Variants in KDM1B observed in about 807,000 individuals in gnomAD.
KDM1B encodes the protein lysine-specific histone demethylase 2.
Under a neutral mutation model 107.4 loss-of-function variants are expected in KDM1B, and 63 were observed. The ratio of observed to expected loss-of-function variants is 0.59; its 90% confidence interval spans 0.48 to 0.72. The LOEUF is 0.72. Among genes scored for constraint, KDM1B ranks in the 30% least tolerant of loss-of-function variants. The probability of loss-of-function intolerance (pLI) is 0.00; values close to 1 mark genes in which losing one functional copy is unlikely to be tolerated. For missense variants in KDM1B, 749 were observed against 1,020.8 expected (o/e 0.73, Z 3.63); for synonymous variants, 363 against 363.9 (o/e 1.00, Z 0.03).
chr6:18,202,554 T>G (rs6938294), intron 14 of KDM1B, among the ~76,000 whole-genome samples: 1 of 152,128 alleles, frequency 6.6e-6, no homozygotes, highest in Non-Finnish European at 1.5e-5. Flanking sequence ...TAAATTGATA[T>G]TTATTTGGCC....
chr6:18,174,115 G>C (rs1353273772), intron 7 of KDM1B, among the ~76,000 whole-genome samples: 1 of 152,106 alleles, frequency 6.6e-6, no homozygotes. Flanking sequence ...AAAATCAATT[G>C]GCCGTATGTG....
rs758108269 is a variant in KDM1B at position 18,212,418 on chromosome 6, T to C, written c.1867-70T>C. The C allele has an allele frequency of 7.2e-5, 66 of 912,646 alleles. No homozygotes were observed. The highest frequency in any genetic ancestry group is 1.1e-4 in the Non-Finnish European group (61 of 541,500). 56.5% of individuals were successfully genotyped at this position (912,646 alleles called of 1,614,324 possible). On this transcript the variant is annotated intron_variant, in intron 17 of 21. Transcript: ENST00000650836. This position sits in a 1 kb window ranked among gnomAD's most constrained non-coding sequence, Gnocchi z 5.2. The stretch of plus-strand genomic sequence containing the variant: ...TTGCCAGTATAACAGCATGGGTTGT[T>C]GATACCAGTGTAGTGGTAGTGTGAG...
intron 6 of KDM1B, among the ~76,000 whole-genome samples, chr6:18,170,856 C>G (rs1278879899): frequency 6.7e-6 from 1 of 150,344 alleles, no homozygotes; most frequent in Non-Finnish European, 1.5e-5. Flanking sequence ...AGTCTTGCTC[C>G]GTTGCCCAGG....
Position 18,215,024 on chromosome 6 carries a change from G to A in KDM1B, c.2127G>A (p.Leu709=). 1 of 1,614,054 alleles carries A rather than the reference G, an allele frequency of 6.2e-7. No individual in the cohort carries two copies. The change falls in exon 20 of 22, where the codon CTG becomes CTA. Residue 709 remains leucine, a synonymous_variant. Transcript: ENST00000650836. ...GTCTCCAGAAGAAGCACAGCGTGCT[G>A]ATGTCTGTGATTGCCGGGGAGGCTG... ...DMDPQKKHSV[L]MSVIAGEAVA...
rs931158107 is a variant in KDM1B, at chr6:18,222,696, C to T, written c.*704C>T. ...AGGTATTGTATCATTGAGAATGCAG[C>T]ACAGATAGTGTGGGCTTCACACTAT... On this transcript the variant is annotated 3_prime_UTR_variant, in exon 22 of 22. Coordinates refer to ENST00000650836, the MANE Select transcript of KDM1B (RefSeq NM_001364614.2). The T allele has an allele frequency of 1.9e-5, 3 of 154,854 alleles. No individual in the cohort carries two copies. The highest frequency in any genetic ancestry group is 7.2e-5 in the African/African-American group (3 of 41,430). 9.6% of individuals were successfully genotyped at this position (154,854 alleles called of 1,614,324 possible).
intron 7 of KDM1B, among the ~76,000 whole-genome samples, chr6:18,181,462 T>C (rs912289124): frequency 2.4e-4 from 36 of 152,122 alleles, no homozygotes; most frequent in Non-Finnish European, 4.4e-4. Context: ...TAAGAAAATA[T>C]GAGAATAAGA....
intron 2 of KDM1B, among the ~76,000 whole-genome samples, chr6:18,156,544 T>C (rs1342556029): frequency 2.0e-5 from 3 of 151,916 alleles, no homozygotes; most frequent in African/African-American, 7.3e-5. Context: ...CATGAGAAAA[T>C]TACCATCAAT....
Position 18,212,405 on chromosome 6 carries a change from C to A in KDM1B, c.1867-83C>A. ...GCAGCCCTTGTTCTTGCCAGTATAA[C>A]AGCATGGGTTGTTGATACCAGTGTA... On this transcript the variant is annotated intron_variant, in intron 17 of 21. Transcript: ENST00000650836. This position sits in a 1 kb window ranked among gnomAD's most constrained non-coding sequence, Gnocchi z 5.2. The A allele has an allele frequency of 1.2e-6, 1 of 858,968 alleles. No individual in the cohort carries two copies. Among genetic ancestry groups the A allele is most frequent in the Non-Finnish European group, 2.0e-6 (1 of 495,592 alleles). 53.2% of individuals were successfully genotyped at this position (858,968 alleles called of 1,614,324 possible).
intron 6 of KDM1B, among the ~76,000 whole-genome samples, chr6:18,168,831 T>A (rs1241178099): frequency 1.3e-5 from 2 of 152,204 alleles, no homozygotes; most frequent in East Asian, 1.9e-4. Flanking sequence ...CATTTGTATA[T>A]CTTTGGAGAA....
At chr6:18,188,067 G>A in intron 9 of KDM1B, 65 bp downstream of exon 9, 1 of 1,393,186 alleles carries the variant, frequency 7.2e-7, no homozygotes, top group Non-Finnish European at 9.9e-7. Context: ...GAACGTGTGA[G>A]TGAGCAAAAC....
In KDM1B at chr6:18,197,232, A is replaced by G. The variant is rs777251737; in HGVS notation, c.1145A>G (p.Asn382Ser). The change falls in exon 11 of 22, where the codon AAT becomes AGT. Residue 382 changes from asparagine to serine, a missense_variant and splice_region_variant. By Grantham distance (46) the Asn-to-Ser change is conservative. Coordinates refer to ENST00000650836, the MANE Select transcript of KDM1B (RefSeq NM_001364614.2). This position sits in a 1 kb window ranked among gnomAD's most constrained non-coding sequence, Gnocchi z 4.5. ...TATCTTCTCCCTAAGGACTACCACA[A>G]TGTAGGTGATTATAGCTTTAGCGAT... The part of the protein sequence containing the change: ...DQYLLPKDYH[N>S]KSVIIIGAGP... The G allele has an allele frequency of 9.3e-6, 15 of 1,612,242 alleles. No individual in the cohort carries two copies. Among genetic ancestry groups the G allele is most frequent in the South Asian group, 5.5e-5 (5 of 90,978 alleles).
intron 17 of KDM1B, among the ~76,000 whole-genome samples, chr6:18,208,811 A>AGT (rs529452767): frequency 7.6e-6 from 1 of 131,188 alleles, no homozygotes; most frequent in African/African-American, 2.8e-5. Flanking sequence ...CGCCTGGCTA[A>AGT]TTTTTTTTTT....
At chr6:18,163,317 C>T (rs1785090951) in intron 5 of KDM1B, among the ~76,000 whole-genome samples, 1 of 152,152 alleles carries the variant, frequency 6.6e-6, no homozygotes, top group South Asian at 2.1e-4. Context: ...GCCTTGGCCT[C>T]CCAAAGTGCT....
Position 18,197,366 on chromosome 6 carries a change from GT to G in KDM1B, c.1146+136del. ...CAGAAGCAAGGCTTTCGCAGAATGT[GT>G]TTCTCCTGAAAGGAGAATATCAAGC... On this transcript the variant is annotated intron_variant, in intron 11 of 21. Coordinates refer to ENST00000650836, the MANE Select transcript of KDM1B (RefSeq NM_001364614.2). The surrounding 1 kb of genome is among the most constrained non-coding windows in gnomAD (Gnocchi z 4.5). The G allele has an allele frequency of 1.1e-6, 1 of 924,524 alleles. No individual in the cohort carries two copies. The highest frequency in any genetic ancestry group is 1.6e-6 in the Non-Finnish European group (1 of 622,740). The allele number at this position is 924,524 out of a possible 1,614,324, so 57.3% of individuals were successfully genotyped here.
rs374599699 is a variant in KDM1B, at chr6:18,194,819, A to G, written c.970-2238A>G. Among the ~76,000 whole-genome samples, 319 of 152,194 alleles carry G rather than the reference A, an allele frequency of 2.1e-3. 2 individuals are homozygous for G. The highest frequency in any genetic ancestry group is 7.1e-3 in the African/African-American group (296 of 41,528). The stretch of plus-strand genomic sequence containing the variant: ...TGCCTAGCCCTATTCCATCTTAACC[A>G]TTGTGAAATTTACAGCTCAGTGGCA... On this transcript the variant is annotated intron_variant, in intron 10 of 21. Coordinates refer to ENST00000650836, the MANE Select transcript of KDM1B (RefSeq NM_001364614.2).
chr6:18,189,911 C>A (rs1055896749), intron 9 of KDM1B, among the ~76,000 whole-genome samples: 2 of 149,410 alleles, frequency 1.3e-5, no homozygotes, highest in Non-Finnish European at 3.0e-5. Flanking sequence ...TTTGGGAGGC[C>A]GAGACGGGCA....
chr6:18,200,375 A>G lies in KDM1B; in HGVS notation c.1222-64A>G, dbSNP rs1046471941. On this transcript the variant is annotated intron_variant, in intron 12 of 21. Coordinates refer to ENST00000650836, the MANE Select transcript of KDM1B (RefSeq NM_001364614.2). The surrounding 1 kb of genome is among the most constrained non-coding windows in gnomAD (Gnocchi z 4.3). ...TTTAACAGTGTCCTTCTACATTTTT[A>G]TAATACTGTGTCTGATATAACTCTT... The G allele has an allele frequency of 6.8e-6, 10 of 1,476,736 alleles. No homozygotes were observed. In the East Asian group the frequency reaches 2.1e-4, roughly 31 times the overall value. The allele number at this position is 1,476,736 out of a possible 1,614,324, so 91.5% of individuals were successfully genotyped here. A position where few individuals can be genotyped will look rare whatever the true frequency, so the allele number is the denominator to read the frequency against.
intron 6 of KDM1B, 128 bp downstream of exon 6, chr6:18,166,506 A>G (rs1475975940): frequency 5.0e-6 from 3 of 601,374 alleles, no homozygotes; most frequent in Non-Finnish European, 9.1e-6. Flanking sequence ...TAAAGCAAAT[A>G]TTTTTTATTT....
chr6:18,219,666 CTT>C (rs1789526402), intron 21 of KDM1B, among the ~76,000 whole-genome samples: 1 of 152,210 alleles, frequency 6.6e-6, no homozygotes, highest in African/African-American at 2.4e-5. Context: ...GTGCTGCAGT[CTT>C]TGCCTGCTAC....
Sources: allele counts gnomAD v4.1 joint callset (sites outside exome capture counted in the v4.1 genomes callset), GRCh38; gene constraint gnomAD v4.1.1; non-coding constraint Gnocchi (gnomAD v3.1); transcripts MANE v1.5; gene names NCBI Gene and HGNC (gene_info 2026-07-23, HGNC 2026-07-21).